P2RY8: variants seen among roughly 807,000 people sequenced by gnomAD.
P2RY8 encodes P2Y receptor family member 8, also known as S-geranylgeranyl-glutathione receptor P2RY8.
A neutral mutation model predicts 10.0 loss-of-function variants in P2RY8; 6 were observed. The ratio of observed to expected loss-of-function variants is 0.60; its 90% CI spans 0.33 to 1.19. P2RY8 has a LOEUF of 1.19. Among genes scored for constraint, P2RY8 ranks in the 50% most tolerant of loss-of-function variants. P2RY8 has a pLI of 0.04. For missense variants in P2RY8, 456 were observed against 542.0 expected, an observed-to-expected ratio of 0.84 and a Z score of 1.58; for synonymous variants, 276 against 252.5, an observed-to-expected ratio of 1.09 and a Z score of -0.88.
intron 1 of P2RY8, among the ~76,000 whole-genome samples, chrX:1,484,666 T>C (rs2091969632): frequency 7.2e-6 from 1 of 139,182 alleles, no homozygotes; most frequent in Non-Finnish European, 1.5e-5. Flanking sequence ...AGGCGGAGGT[T>C]GCAGTGAGCT....
chrX:1,533,647 A>G (rs1452103760), intron 1 of P2RY8, among the ~76,000 whole-genome samples: 2 of 125,222 alleles, frequency 1.6e-5, no homozygotes, highest in East Asian at 2.5e-4. Flanking sequence ...CATATTTATT[A>G]TTTACATATT....
chrX:1,488,139 G>T (rs2092004806), intron 1 of P2RY8, among the ~76,000 whole-genome samples: 1 of 151,798 alleles, frequency 6.6e-6, no homozygotes, highest in Admixed American at 6.6e-5. Context: ...AAGAGAAGTG[G>T]GTCTCAACAG....
intron 1 of P2RY8, among the ~76,000 whole-genome samples, chrX:1,501,593 T>A (rs5989659): frequency 0.49 from 73,956 of 151,490 alleles, 18,484 homozygotes; most frequent in East Asian, 0.82. Context: ...ATTTTTATTT[T>A]TTATTATTAT....
At chrX:1,487,572 G>A (rs748058987) in intron 1 of P2RY8, among the ~76,000 whole-genome samples, 1 of 152,182 alleles carries the variant, frequency 6.6e-6, no homozygotes, top group Non-Finnish European at 1.5e-5. Context: ...ACGCATCTGA[G>A]TGGAAACACA....
chrX:1,529,523 G>T (rs2092459419), intron 1 of P2RY8, among the ~76,000 whole-genome samples: 1 of 152,032 alleles, frequency 6.6e-6, no homozygotes, highest in African/African-American at 2.4e-5. Flanking sequence ...GGGGCGTGGT[G>T]GGTGGAGCCT....
At chrX:1,524,440 T>TGCA (rs2092416809) in intron 1 of P2RY8, among the ~76,000 whole-genome samples, 1 of 133,222 alleles carries the variant, frequency 7.5e-6, no homozygotes, top group South Asian at 2.5e-4. Flanking sequence ...CATCCATCCA[T>TGCA]TCATCCATCT....
Position 1,464,685 on chromosome X carries a change from C to T in P2RY8, c.*794G>A, listed in dbSNP as rs2091637917. ...GTGTTCCAGGGGCCTGATGGGACCT[C>T]CTTCTCTATCAGGGACTCACAGAAG... On this transcript the variant is annotated 3_prime_UTR_variant, in exon 2 of 2. Transcript: ENST00000381297. The T allele has an allele frequency of 2.1e-5, 5 of 233,228 alleles. No homozygotes were observed. In the East Asian group the frequency reaches 3.0e-4, roughly 14 times the overall value. 14.4% of individuals were successfully genotyped at this position (233,228 alleles called of 1,614,324 possible).
intron 1 of P2RY8, among the ~76,000 whole-genome samples, chrX:1,484,733 AAAAAAAAAAAAAAAAG>A (rs1209428739): frequency 7.3e-6 from 1 of 137,852 alleles, no homozygotes; most frequent in East Asian, 2.1e-4. Context: ...GTAAAAAAAA[AAAAAAAAAAAAAAAAG>A]AAGAAGAAGA....
chrX:1,509,796 C>CCTAT (rs1170051824), intron 1 of P2RY8, among the ~76,000 whole-genome samples: 22,381 of 105,384 alleles, frequency 0.21, 2,838 homozygotes, highest in East Asian at 0.3. Flanking sequence ...ATGTATCCAT[C>CCTAT]CTATCTATCT....
intron 1 of P2RY8, among the ~76,000 whole-genome samples, chrX:1,504,067 C>T (rs2092205451): frequency 6.6e-6 from 1 of 152,102 alleles, no homozygotes; most frequent in African/African-American, 2.4e-5. Flanking sequence ...CCTGTAATCC[C>T]AGCACTTTGG....
At chrX:1,512,503 T>G (rs748283800) in intron 1 of P2RY8, among the ~76,000 whole-genome samples, 2 of 133,994 alleles carry the variant, frequency 1.5e-5, no homozygotes, top group South Asian at 4.7e-4. Flanking sequence ...GCTGAGATCA[T>G]GCCATTGCAC....
chrX:1,467,374 A>C (rs1223071762), intron 1 of P2RY8, among the ~76,000 whole-genome samples: 7 of 152,074 alleles, frequency 4.6e-5, no homozygotes, highest in Admixed American at 3.9e-4. Context: ...TTTTCGTTTC[A>C]GTTTCAGGGA....
chrX:1,530,426 T>G (rs1281171039), intron 1 of P2RY8, among the ~76,000 whole-genome samples: 1 of 151,722 alleles, frequency 6.6e-6, no homozygotes, highest in Non-Finnish European at 1.5e-5. Flanking sequence ...TATGTATGTA[T>G]CTATGTATCT....
intron 1 of P2RY8, among the ~76,000 whole-genome samples, chrX:1,477,687 C>G (rs1243345633): frequency 1.3e-5 from 2 of 152,146 alleles, no homozygotes; most frequent in East Asian, 3.9e-4. Context: ...CAACACCCTA[C>G]AGTACACAGG....
chrX:1,514,792 T>TCCTTCCCTTC (rs200085866), intron 1 of P2RY8, among the ~76,000 whole-genome samples: 1 of 19,160 alleles, frequency 5.2e-5, no homozygotes, highest in Non-Finnish European at 1.1e-4. Context: ...CCCTTCCTTT[T>TCCTTCCCTTC]CCTTCCCTTC....
intron 1 of P2RY8, 114 bp from the exon 2 acceptor site, chrX:1,466,696 C>T: frequency 9.7e-7 from 1 of 1,026,710 alleles, no homozygotes; most frequent in South Asian, 1.6e-5. Flanking sequence ...GATGCTTTAG[C>T]AGGGCCTGCT....
chrX:1,465,595 G>A lies in P2RY8; in HGVS notation c.964C>T (p.Arg322Cys), dbSNP rs1336332515. The change falls in exon 2 of 2, where the codon CGC becomes TGC. Residue 322 changes from arginine to cysteine, a missense_variant. Arg to Cys is a radical substitution (Grantham distance 180, BLOSUM62 -3). Transcript: ENST00000381297. ...RVPRDTLDTR[R>C]ESLFSARTTS... ...GTCCTGGCGGAGAAGAGGCTCTCGC[G>A]GCGCGTGTCCAGGGTGTCTCTGGGC... 6.2e-7 allele frequency: 1 copy of A among 1,612,948 alleles called. No individual in the cohort carries two copies. The highest frequency in any genetic ancestry group is 8.5e-7 in the Non-Finnish European group (1 of 1,179,802).
intron 1 of P2RY8, among the ~76,000 whole-genome samples, chrX:1,500,904 G>A (rs1470780213): frequency 6.6e-6 from 1 of 152,106 alleles, no homozygotes; most frequent in African/African-American, 2.4e-5. Context: ...GAGGTTCTGG[G>A]AGACACAACC....
At chrX:1,500,015 T>G (rs112020039) in intron 1 of P2RY8, among the ~76,000 whole-genome samples, 1 of 93,542 alleles carries the variant, frequency 1.1e-5, no homozygotes, top group Non-Finnish European at 2.6e-5. Context: ...TGTACCACCA[T>G]GCCCAGCTAA....
Sources: allele counts gnomAD v4.1 joint callset (sites outside exome capture counted in the v4.1 genomes callset), GRCh38; gene constraint gnomAD v4.1.1; transcripts MANE v1.5; gene names NCBI Gene and HGNC (gene_info 2026-07-23, HGNC 2026-07-21).